The following NBPF12 variants were observed in gnomAD, a reference collection of about 807,000 sequenced individuals.
The protein encoded by NBPF12 is NBPF family member NBPF12.
In NBPF12, 115 loss-of-function variants were observed where a neutral mutation model predicts 146.4. The observed-to-expected ratio is 0.79, with a 90% CI of 0.68 to 0.92. The LOEUF is 0.92. Ranked by LOEUF, NBPF12 falls within the 40% of genes least tolerant of loss-of-function variation. The pLI, the probability that NBPF12 is intolerant of heterozygous loss-of-function variation, is 0.00. For synonymous variants in NBPF12, 385 were observed against 508.9 expected, an observed-to-expected ratio of 0.76 and a Z score of 3.28; for missense variants, 1,205 against 1,326.8, an observed-to-expected ratio of 0.91 and a Z score of 1.43.
chr1:146,953,632 TA>T (rs1208712633), intron 2 of NBPF12, among the ~76,000 whole-genome samples: 1 of 140,922 alleles, frequency 7.1e-6, no homozygotes, highest in Admixed American at 7.2e-5. Context: ...TCATGATTTA[TA>T]AAAACAAACC....
In NBPF12 at chr1:146,966,681, C is replaced by G. The variant is rs1366666945; in HGVS notation, c.988+8C>G. 8.5e-6 allele frequency: 11 copies of G among 1,286,634 alleles called. No individual in the cohort carries two copies. The highest frequency in any genetic ancestry group is 5.9e-5 in the African/African-American group (4 of 67,350). 79.7% of individuals were successfully genotyped at this position (1,286,634 alleles called of 1,614,324 possible). A position where few individuals can be genotyped will look rare whatever the true frequency, so the allele number is the denominator to read the frequency against. ...AGCAGCAGAACAAATACAGTAAGAT[C>G]TACAGGCTCACCATCACGAAAGTGA... On this transcript the variant is annotated splice_region_variant and intron_variant, in intron 9 of 33. Transcript: ENST00000617844.
intron 13 of NBPF12, among the ~76,000 whole-genome samples, chr1:146,972,086 T>TCAAAAAAAA (rs1400301498): frequency 8.3e-6 from 1 of 120,984 alleles, no homozygotes; most frequent in Non-Finnish European, 1.7e-5. Context: ...AGACTCCATC[T>TCAAAAAAAA]AAAAAAAAAA....
At chr1:146,966,752 A>G (rs1213138326) in intron 9 of NBPF12, 79 bp downstream of exon 12, 4 of 846,254 alleles carry the variant, frequency 4.7e-6, no homozygotes, top group Non-Finnish European at 8.3e-6. Context: ...TGCTCTCTCC[A>G]TCAAAAATAA....
Position 146,968,557 on chromosome 1 carries a change from G to T in NBPF12, c.1091+7G>T. 1 of 1,595,382 alleles carries T rather than the reference G, an allele frequency of 6.3e-7. No homozygotes were observed. The highest frequency in any genetic ancestry group is 8.6e-7 in the Non-Finnish European group (1 of 1,164,564). ...AGCAAGCTGAGGAGCTCAGGTGAGG[G>T]GACCCCATGGGGGCAGGCAGGGGGG... On this transcript the variant is annotated splice_region_variant and intron_variant, in intron 10 of 33. Coordinates refer to ENST00000617844, the Ensembl canonical transcript of NBPF12.
chr1:146,946,775 G>A (rs1553883390), upstream of NBPF12, among the ~76,000 whole-genome samples: 1 of 150,846 alleles, frequency 6.6e-6, no homozygotes. Flanking sequence ...CAGGATCCCC[G>A]AGATTTTCTC....
chr1:146,971,806 G>C (rs1452084956), intron 13 of NBPF12, among the ~76,000 whole-genome samples: 2 of 150,650 alleles, frequency 1.3e-5, no homozygotes, highest in African/African-American at 2.5e-5. Context: ...TTGGCCAGGC[G>C]CGGTGGCTCA....
At chr1:146,963,391 T>C in intron 6 of NBPF12, 82 bp downstream of exon 9, 1 of 1,598,752 alleles carries the variant, frequency 6.3e-7, no homozygotes, top group Non-Finnish European at 8.5e-7. Context: ...TGATGACAGT[T>C]GTATCAGTGG....
chr1:146,995,090 A>T (rs1658462411), exon 34 of NBPF12: 1 of 151,152 alleles, frequency 6.6e-6, no homozygotes, highest in Non-Finnish European at 1.3e-5. Flanking sequence ...GACAATTGTT[A>T]ACCCACTAGG....
chr1:146,976,842 T>A, intron 16 of NBPF12, 87 bp from the exon 20 acceptor site: 1 of 553,598 alleles, frequency 1.8e-6, no homozygotes, highest in Non-Finnish European at 3.2e-6. Flanking sequence ...CATGCCTAGA[T>A]GTTCATGTCC....
chr1:146,992,373 T>C (rs1231000909), intron 31 of NBPF12, among the ~76,000 whole-genome samples: 2 of 140,090 alleles, frequency 1.4e-5, no homozygotes, highest in Non-Finnish European at 3.1e-5. Context: ...CTGAGGGCAC[T>C]AACTCAGAGT....
Position 146,961,106 on chromosome 1 carries a change from A to T in NBPF12, c.175+788A>T, listed in dbSNP as rs1655821370. The stretch of plus-strand genomic sequence containing the variant: ...TGTTGCAGTGAGCCAAGATTGCACT[A>T]TTGCACTCCAGCATGGGTGACAGGG... On this transcript the variant is annotated intron_variant, in intron 4 of 33. Transcript: ENST00000617844. 3.9e-5 allele frequency among the ~76,000 whole-genome samples: 6 copies of T among 152,218 alleles called. No individual in the cohort carries two copies. In the South Asian group the frequency reaches 1.2e-3, roughly 32 times the overall value.
chr1:146,975,885 A>T, exon 16 of NBPF12: 1 of 1,610,666 alleles, frequency 6.2e-7, no homozygotes, highest in Non-Finnish European at 8.5e-7. Flanking sequence ...CCAAAAGCTC[A>T]GCCCAGGTAA....
chr1:146,992,453 T>C (rs1658237223), intron 31 of NBPF12, among the ~76,000 whole-genome samples: 1 of 104,020 alleles, frequency 9.6e-6, no homozygotes, highest in African/African-American at 4.2e-5. Flanking sequence ...TCTCTCTCTC[T>C]CTCTCTCTCT....
At chr1:146,964,362 G>C in exon 7 of NBPF12, 2 of 1,602,624 alleles carry the variant, frequency 1.2e-6, no homozygotes, top group South Asian at 2.2e-5. Flanking sequence ...TATAGAAAAT[G>C]ATGAAGATGA....
intron 31 of NBPF12, among the ~76,000 whole-genome samples, chr1:146,992,458 C>CTGTG (rs1553889575): frequency 1.0e-5 from 1 of 99,524 alleles, no homozygotes; most frequent in African/African-American, 4.7e-5. Flanking sequence ...CTCTCTCTCT[C>CTGTG]TCTCTGTGTG....
chr1:146,955,005 TATATATATACAC>T (rs1655518393), intron 2 of NBPF12, among the ~76,000 whole-genome samples: 1 of 75,614 alleles, frequency 1.3e-5, no homozygotes, highest in African/African-American at 5.1e-5. Flanking sequence ...TATATATATA[TATATATATACAC>T]ACACACACAC....
At chr1:146,992,460 C>CAGTG (rs1465709029) in intron 31 of NBPF12, among the ~76,000 whole-genome samples, 2 of 88,872 alleles carry the variant, frequency 2.3e-5, no homozygotes. Flanking sequence ...CTCTCTCTCT[C>CAGTG]TCTGTGTGTG....
intron 13 of NBPF12, among the ~76,000 whole-genome samples, chr1:146,972,160 G>C (rs71271422): frequency 0.57 from 84,287 of 147,884 alleles, 24,949 homozygotes; most frequent in East Asian, 0.81. Context: ...TTTGGGAGGC[G>C]GAGGTAGGTG....
upstream of NBPF12, among the ~76,000 whole-genome samples, chr1:146,948,001 CTTTAT>C (rs1655147142): frequency 6.6e-6 from 1 of 151,946 alleles, no homozygotes. Flanking sequence ...AGTGAACCGT[CTTTAT>C]TTTATTTTAT....
Sources: allele counts gnomAD v4.1 joint callset (sites outside exome capture counted in the v4.1 genomes callset), GRCh38; gene constraint gnomAD v4.1.1; transcripts MANE v1.5; gene names NCBI Gene and HGNC (gene_info 2026-07-23, HGNC 2026-07-21).